Variants in LRP2 observed in about 807,000 individuals in gnomAD.
LRP2 encodes low-density lipoprotein receptor-related protein 2.
In LRP2, 172 loss-of-function variants were observed where a neutral mutation model predicts 531.0. The ratio of observed to expected loss-of-function variants is 0.32; its 90% confidence interval spans 0.29 to 0.37. The LOEUF is 0.37. Ranked by LOEUF, LRP2 falls within the 10% of genes least tolerant of loss-of-function variation. The probability of loss-of-function intolerance (pLI) is 1.00; values close to 1 mark genes in which losing one functional copy is unlikely to be tolerated. For missense variants in LRP2, 5,167 were observed against 5,868.3 expected (o/e 0.88, Z 3.90); for synonymous variants, 1,992 against 2,027.6 (o/e 0.98, Z 0.47).
chr2:169,194,212 T>C (rs536555709), intron 46 of LRP2, among the ~76,000 whole-genome samples: 2 of 152,316 alleles, frequency 1.3e-5, no homozygotes, highest in East Asian at 3.9e-4. Flanking sequence ...ATGTTTCTAT[T>C]TTAAAATCTA....
In LRP2 at chr2:169,243,047, G is replaced by C. The variant is rs181448146; in HGVS notation, c.3576C>G (p.Phe1192Leu). Residue 1192 changes from phenylalanine to leucine, a missense_variant, in exon 24 of 79, where the codon TTC becomes TTG. Phe to Leu is a conservative substitution (Grantham distance 22, BLOSUM62 0). Around this residue, in one of 6 missense-constraint regions of LRP2, gnomAD observed 2,811 missense variants for 3,058.0 expected, o/e 0.92. Coordinates refer to ENST00000649046, the MANE Select transcript of LRP2 (RefSeq NM_004525.3). Reference sequence around the variant, plus strand: ...TACATTTATCCCCACTGGCACACTTGAATTGAGAAGCAGTACAGTTTAATA... The same window carrying C: ...TACATTTATCCCCACTGGCACACTTCAATTGAGAAGCAGTACAGTTTAATA... Reference protein sequence around the residue: ...GCVLNCTASQFKCASGDKCIG... With the variant: ...GCVLNCTASQLKCASGDKCIG... 5.5e-5 allele frequency: 89 copies of C among 1,613,774 alleles called. No homozygotes were observed. Among genetic ancestry groups the C allele is most frequent in the Non-Finnish European group, 7.2e-5 (85 of 1,179,670 alleles).
At chr2:169,305,609 C>G (rs1208157971) in intron 4 of LRP2, among the ~76,000 whole-genome samples, 1 of 152,086 alleles carries the variant, frequency 6.6e-6, no homozygotes, top group African/African-American at 2.4e-5. Flanking sequence ...AGTTTATGAT[C>G]AAGATTTCTA....
At chr2:169,143,753 A>T (rs1685813118) in intron 70 of LRP2, among the ~76,000 whole-genome samples, 1 of 152,186 alleles carries the variant, frequency 6.6e-6, no homozygotes, top group African/African-American at 2.4e-5. Flanking sequence ...AAAGCTCCCT[A>T]GGTAAGTCTA....
At chr2:169,201,142 C>A (rs531514144) in intron 44 of LRP2, among the ~76,000 whole-genome samples, 128 of 152,284 alleles carry the variant, frequency 8.4e-4, no homozygotes, top group Non-Finnish European at 1.5e-3. Context: ...GGACAAATCA[C>A]CTAATCTTTC....
Position 169,280,385 on chromosome 2 carries a change from G to T in LRP2, c.1306C>A (p.Gln436Lys). Residue 436 changes from glutamine (Q) to lysine (K), a missense_variant, in exon 11 of 79, where the codon CAA (glutamine) becomes AAA (lysine). Physicochemically the swap from Gln to Lys is moderately conservative, Grantham distance 53 (BLOSUM62 1). Around this residue, in one of 6 missense-constraint regions of LRP2, gnomAD observed 2,811 missense variants for 3,058.0 expected, o/e 0.92. Coordinates refer to ENST00000649046, the MANE Select transcript of LRP2 (RefSeq NM_004525.3). The part of the protein sequence containing the change: ...AVGVAFHYHL[Q>K]RVFWTDTVQN... ...ACGGTGTCTGTCCAAAAAACTCTTT[G>T]CAGGTGATAGTGGAAAGCCACACCC... 1 of 1,614,092 alleles carries T rather than the reference G, an allele frequency of 6.2e-7. No individual in the cohort carries two copies. Among genetic ancestry groups the T allele is most frequent in the South Asian group, 1.1e-5 (1 of 91,080 alleles).
At position 169,209,631 on chromosome 2, in the gene LRP2, T is replaced by G. The variant is rs111930765; in HGVS notation, c.6291A>C (p.Ala2097=). 1.2e-6 allele frequency: 2 copies of G among 1,614,024 alleles called. No individual in the cohort carries two copies. The highest frequency in any genetic ancestry group is 1.6e-4 in the Middle Eastern group (1 of 6,062). ...AGGACACATCCACATCCACATGCAG[T>G]GCGTTTCGTCCTGGAAGTTAAGAAA... is the stretch of plus-strand genomic sequence containing the variant. ...MVPVAGQGRN[A]LHVDVDVSSG... Residue 2097 remains alanine (A), a synonymous_variant, in exon 38 of 79, where the codon GCA becomes GCC. Transcript: ENST00000649046.
chr2:169,361,350 G>GTCTCTCTCTGTCTCTCTCTCTC (rs1559092778), intron 1 of LRP2, among the ~76,000 whole-genome samples: 7 of 21,966 alleles, frequency 3.2e-4, no homozygotes, highest in East Asian at 8.1e-4. Flanking sequence ...GTCTCTCTCT[G>GTCTCTCTCTGTCTCTCTCTCTC]TCTCTCTCTC....
At chr2:169,285,674 T>C (rs751464751) in intron 9 of LRP2, among the ~76,000 whole-genome samples, 3 of 152,148 alleles carry the variant, frequency 2.0e-5, no homozygotes, top group Non-Finnish European at 4.4e-5. Context: ...CCATGCTGAA[T>C]GACCTCCCTG....
intron 13 of LRP2, among the ~76,000 whole-genome samples, chr2:169,276,264 G>A (rs976748799): frequency 2.6e-5 from 4 of 152,130 alleles, no homozygotes; most frequent in Non-Finnish European, 5.9e-5. Context: ...CTGGCAAAGC[G>A]AGAGGCAATG....
chr2:169,146,676 G>A, intron 69 of LRP2, 63 bp downstream of exon 69: 1 of 1,377,312 alleles, frequency 7.3e-7, no homozygotes, highest in South Asian at 1.3e-5. Context: ...GAGAAAACAG[G>A]CAAAGACATT....
chr2:169,344,228 T>C lies in LRP2; in HGVS notation c.79+18093A>G, dbSNP rs530287300. 2.8e-5 allele frequency among the ~76,000 whole-genome samples: 4 copies of C among 144,420 alleles called. No individual in the cohort carries two copies. The East Asian group carries it at 8.3e-4, about 30-fold the overall frequency. The allele number at this position is 144,420 out of a possible 152,430, so 94.7% of individuals were successfully genotyped here. On this transcript the variant is annotated intron_variant, in intron 1 of 78. Transcript: ENST00000649046. The stretch of plus-strand genomic sequence containing the variant: ...GTGGTTTGCTGCACCCATCAACCCG[T>C]CATCTACACTAGGTATTTCTCCTAA...
intron 1 of LRP2, among the ~76,000 whole-genome samples, chr2:169,344,270 GC>G (rs998741271): frequency 2.7e-5 from 4 of 146,346 alleles, no homozygotes; most frequent in African/African-American, 1.0e-4. Context: ...CCCTCCCCTA[GC>G]CCCCCAACCC....
intron 4 of LRP2, among the ~76,000 whole-genome samples, chr2:169,304,067 G>A (rs372596359): frequency 6.6e-6 from 1 of 152,152 alleles, no homozygotes. Flanking sequence ...GTTGTGAGCC[G>A]GTTGTATTAG....
intron 10 of LRP2, among the ~76,000 whole-genome samples, chr2:169,281,382 A>C (rs1189242566): frequency 6.6e-6 from 1 of 152,180 alleles, no homozygotes; most frequent in Admixed American, 6.5e-5. Context: ...AGATCTTGCC[A>C]TTGCACTCCA....
intron 1 of LRP2, among the ~76,000 whole-genome samples, chr2:169,323,856 A>T (rs1478151504): frequency 2.1e-5 from 2 of 93,792 alleles, no homozygotes; most frequent in African/African-American, 1.1e-4. Context: ...GCCTGATTAA[A>T]AAAAAAAAAA....
At chr2:169,341,406 C>T (rs1274846722) in intron 1 of LRP2, among the ~76,000 whole-genome samples, 5 of 152,078 alleles carry the variant, frequency 3.3e-5, no homozygotes, top group African/African-American at 1.2e-4. Flanking sequence ...AATTCAATTC[C>T]CCAGGCATTT....
intron 78 of LRP2, 37 bp downstream of exon 78, chr2:169,128,976 A>G: frequency 6.4e-7 from 1 of 1,568,668 alleles, no homozygotes; most frequent in Non-Finnish European, 8.8e-7. Flanking sequence ...ATTTCTAAGA[A>G]AAAATGTCTG....
chr2:169,334,088 A>G (rs962672999), intron 1 of LRP2, among the ~76,000 whole-genome samples: 2 of 152,170 alleles, frequency 1.3e-5, no homozygotes, highest in Non-Finnish European at 2.9e-5. Flanking sequence ...ATAAAATTAC[A>G]AGTTTATCTG....
Position 169,307,307 on chromosome 2 carries a change from G to C in LRP2, c.401C>G (p.Pro134Arg). ...GCAGTCATTCTCATCAGCTCCATCG[G>C]GGCAGTCTCTGACGTGGTCGCACCT... ...EYRCDHVRDC[P>R]DGADENDCQY... is the part of the protein sequence containing the mutation. Residue 134 changes from proline (P) to arginine (R), a missense_variant, in exon 4 of 79, where the codon CCC becomes CGC. By Grantham distance (103) the Pro-to-Arg change is moderately radical (BLOSUM62 -2). Around this residue, in one of 6 missense-constraint regions of LRP2, gnomAD observed 2,811 missense variants for 3,058.0 expected, o/e 0.92. Transcript: ENST00000649046. 1 of 1,613,462 alleles carries C rather than the reference G, an allele frequency of 6.2e-7. No homozygotes were observed. The highest frequency in any genetic ancestry group is 8.5e-7 in the Non-Finnish European group (1 of 1,179,432).
Sources: gnomAD v4.1 joint callset for allele counts (sites outside exome capture counted in the v4.1 genomes callset) on GRCh38, gnomAD v4.1.1 for gene constraint, gnomAD v4.1.1 regional missense constraint, MANE v1.5 for transcripts, NCBI Gene and HGNC (gene_info 2026-07-23, HGNC 2026-07-21) for gene names.